The following ADAMTS20 variants were observed in gnomAD, a reference collection of about 807,000 sequenced individuals.
ADAMTS20 encodes the protein ADAM metallopeptidase with thrombospondin type 1 motif 20, also known as A disintegrin and metalloproteinase with thrombospondin motifs 20.
In ADAMTS20, 225 loss-of-function variants were observed where a neutral mutation model predicts 260.1. The observed-to-expected ratio is 0.87, with a 90% CI of 0.78 to 0.97. The LOEUF (loss-of-function observed/expected upper bound fraction) is 0.97, where lower values mean the gene tolerates loss of function less well. ADAMTS20 is among the 50% of genes least tolerant of loss of function. The pLI is 0.00. For missense variants in ADAMTS20, 2,400 were observed against 2,337.7 expected, an observed-to-expected ratio of 1.03 and a Z score of -0.55; for synonymous variants, 802 against 769.5, an observed-to-expected ratio of 1.04 and a Z score of -0.70.
chr12:43,388,631 A>C (rs1486404744), intron 29 of ADAMTS20, among the ~76,000 whole-genome samples: 3 of 152,212 alleles, frequency 2.0e-5, no homozygotes, highest in Non-Finnish European at 4.4e-5. Context: ...AACACTTTCC[A>C]TACATTTATT....
At chr12:43,511,255 C>G (rs1942920357) in intron 3 of ADAMTS20, among the ~76,000 whole-genome samples, 1 of 152,078 alleles carries the variant, frequency 6.6e-6, no homozygotes, top group Admixed American at 6.6e-5. Flanking sequence ...TCCCATTCAT[C>G]CTTCATTTAT....
intron 18 of ADAMTS20, among the ~76,000 whole-genome samples, chr12:43,436,909 T>C (rs1592068288): frequency 6.6e-6 from 1 of 152,352 alleles, no homozygotes; most frequent in Middle Eastern, 3.4e-3. Flanking sequence ...CATTTGAGAC[T>C]TCTCTCCAAT....
chr12:43,374,131 TAAAG>T (rs1393952479), intron 36 of ADAMTS20, among the ~76,000 whole-genome samples: 1 of 152,090 alleles, frequency 6.6e-6, no homozygotes, highest in East Asian at 1.9e-4. Context: ...AGCTGATAAA[TAAAG>T]AATTACACCC....
In ADAMTS20 at chr12:43,431,440, A is replaced by G; in HGVS notation, c.3153T>C (p.Asn1051=). The change falls in exon 22 of 39, where the codon AAT becomes AAC. Residue 1051 remains asparagine (N), a synonymous_variant. Coordinates refer to ENST00000389420, the MANE Select transcript of ADAMTS20 (RefSeq NM_025003.5). ...AGAAGCCATCACTCAAGTGATCTAC[A>G]TTCAGCTGACACCATACCTGCCGCT... ...TKQRQVWCQL[N]VDHLSDGFCN... 1 of 1,614,014 alleles carries G rather than the reference A, an allele frequency of 6.2e-7. No individual in the cohort carries two copies. Among genetic ancestry groups the G allele is most frequent in the African/African-American group, 1.3e-5 (1 of 75,074 alleles).
At chr12:43,373,653 T>C (rs1465390329) in intron 36 of ADAMTS20, among the ~76,000 whole-genome samples, 2 of 150,702 alleles carry the variant, frequency 1.3e-5, no homozygotes, top group Admixed American at 6.6e-5. Flanking sequence ...TGACTAGATA[T>C]GTTAGAAATA....
At position 43,430,401 on chromosome 12, in the gene ADAMTS20, ACTG is replaced by A. The variant is rs1392466705; in HGVS notation, c.3329_3331del (p.Ala1110del). ...TTCATGGCATTCTGTGTCCTCTAACACTGCACTAGCTAGCTCATTGACACATTT... is the reference window on the plus strand; with the variant it reads ...TTCATGGCATTCTGTGTCCTCTAACACACTAGCTAGCTCATTGACACATTT... On this transcript the variant is annotated inframe_deletion, in exon 23 of 39. Coordinates refer to ENST00000389420, the MANE Select transcript of ADAMTS20 (RefSeq NM_025003.5). The A allele has an allele frequency of 6.2e-7, 1 of 1,613,070 alleles. No homozygotes were observed. Among genetic ancestry groups the A allele is most frequent in the Admixed American group, 1.7e-5 (1 of 59,970 alleles).
At chr12:43,535,425 C>A (rs1056228352) in intron 2 of ADAMTS20, among the ~76,000 whole-genome samples, 19 of 151,940 alleles carry the variant, frequency 1.3e-4, no homozygotes, top group Admixed American at 6.6e-5. Context: ...AGTCCATAAA[C>A]TTGGGTGAGA....
At chr12:43,452,859 T>C (rs1373632646) in intron 12 of ADAMTS20, among the ~76,000 whole-genome samples, 164 bp from the exon 13 acceptor site, 1 of 152,174 alleles carries the variant, frequency 6.6e-6, no homozygotes, top group Non-Finnish European at 1.5e-5. Flanking sequence ...CTATGCATAA[T>C]GAACCACAAA....
chr12:43,389,565 G>T (rs1251448134), intron 29 of ADAMTS20, among the ~76,000 whole-genome samples: 1 of 152,166 alleles, frequency 6.6e-6, no homozygotes, highest in African/African-American at 2.4e-5. Context: ...CAGTTCTCAT[G>T]GATTGTAGTT....
intron 4 of ADAMTS20, among the ~76,000 whole-genome samples, chr12:43,495,767 A>G (rs145606218): frequency 1.3e-3 from 200 of 152,270 alleles, no homozygotes; most frequent in African/African-American, 4.6e-3. Context: ...TTTGATTTAA[A>G]TAATTTTTAC....
At chr12:43,469,031 C>A (rs944271148) in intron 7 of ADAMTS20, among the ~76,000 whole-genome samples, 2 of 151,772 alleles carry the variant, frequency 1.3e-5, no homozygotes, top group African/African-American at 2.4e-5. Context: ...AACACATTAG[C>A]GTGGGTAGCA....
At chr12:43,420,890 T>G (rs1941219379) in intron 28 of ADAMTS20, among the ~76,000 whole-genome samples, 2 of 141,702 alleles carry the variant, frequency 1.4e-5, no homozygotes, top group African/African-American at 5.2e-5. Flanking sequence ...TCATTGCAAC[T>G]TCCACCTCCC....
intron 37 of ADAMTS20, among the ~76,000 whole-genome samples, chr12:43,367,298 AT>A (rs1168746071): frequency 1.3e-5 from 2 of 152,048 alleles, no homozygotes; most frequent in African/African-American, 4.8e-5. Flanking sequence ...TTCTCAAAAA[AT>A]AGTAGCAAAC....
At chr12:43,527,615 A>G (rs922921378) in intron 3 of ADAMTS20, among the ~76,000 whole-genome samples, 15 of 152,180 alleles carry the variant, frequency 9.9e-5, no homozygotes, top group African/African-American at 3.6e-4. Context: ...ATGTAGAAAA[A>G]GCACTTGAAA....
At chr12:43,455,045 C>T (rs1457761858) in intron 11 of ADAMTS20, among the ~76,000 whole-genome samples, 1 of 152,168 alleles carries the variant, frequency 6.6e-6, no homozygotes, top group African/African-American at 2.4e-5. Context: ...TAAATGACAA[C>T]TCCCATTTTG....
chr12:43,366,125 T>A (rs542435068), intron 37 of ADAMTS20, among the ~76,000 whole-genome samples: 35 of 151,906 alleles, frequency 2.3e-4, no homozygotes, highest in Admixed American at 5.2e-4. Context: ...GCCAAAGATA[T>A]AAATAAGTTG....
At chr12:43,523,870 C>A (rs1442342318) in intron 3 of ADAMTS20, among the ~76,000 whole-genome samples, 6 of 43,730 alleles carry the variant, frequency 1.4e-4, no homozygotes, top group Admixed American at 4.3e-4. Flanking sequence ...GCACCCCCCT[C>A]CCCCAACCAC....
At chr12:43,474,113 G>A (rs1241648502) in intron 7 of ADAMTS20, among the ~76,000 whole-genome samples, 1 of 151,618 alleles carries the variant, frequency 6.6e-6, no homozygotes, top group African/African-American at 2.4e-5. Context: ...AAGAAAAAAA[G>A]AGAGCAGAAT....
At chr12:43,437,028 A>G (rs74710036) in intron 18 of ADAMTS20, among the ~76,000 whole-genome samples, 6,202 of 152,266 alleles carry the variant, frequency 0.041, 391 homozygotes, top group African/African-American at 0.14. Flanking sequence ...CTTTTAAAAT[A>G]TGAACAAACA....
Sources: allele counts gnomAD v4.1 joint callset (sites outside exome capture counted in the v4.1 genomes callset), GRCh38; gene constraint gnomAD v4.1.1; transcripts MANE v1.5; gene names NCBI Gene and HGNC (gene_info 2026-07-23, HGNC 2026-07-21).